Variants in WBP1L observed in about 807,000 individuals in gnomAD.
WBP1L encodes the protein WW domain binding protein 1-like.
A neutral mutation model predicts 33.7 loss-of-function variants in WBP1L; 17 were observed. The observed-to-expected ratio is 0.50, with a 90% CI of 0.34 to 0.76. The LOEUF is 0.76. Among genes scored for constraint, WBP1L ranks in the 30% least tolerant of loss-of-function variants. WBP1L has a pLI of 0.01. For synonymous variants in WBP1L, 173 were observed against 190.8 expected, an observed-to-expected ratio of 0.91 and a Z score of 0.77; for missense variants, 389 against 469.4, an observed-to-expected ratio of 0.83 and a Z score of 1.58.
intron 1 of WBP1L, among the ~76,000 whole-genome samples, chr10:102,772,921 C>T (rs1239611283): frequency 8.8e-6 from 1 of 113,422 alleles, no homozygotes; most frequent in African/African-American, 3.5e-5. Context: ...TTTAGTATGA[C>T]TTCCTTTTTT....
In WBP1L at chr10:102,767,593, A is replaced by T. The variant is rs1843129290; in HGVS notation, c.90+23450A>T. On this transcript the variant is annotated intron_variant, in intron 1 of 3. Transcript: ENST00000448841. ...CATGGGGTGGAGTCAGGAACCTAGGACTCTTTCTGGCCCACTTTGGAGACC... is the reference window on the plus strand; with the variant it reads ...CATGGGGTGGAGTCAGGAACCTAGGTCTCTTTCTGGCCCACTTTGGAGACC... 2.0e-5 allele frequency among the ~76,000 whole-genome samples: 3 copies of T among 151,724 alleles called. No homozygotes were observed. The South Asian group carries it at 6.3e-4, about 32-fold the overall frequency.
chr10:102,761,780 T>C (rs1429372918), intron 1 of WBP1L, among the ~76,000 whole-genome samples: 1 of 151,360 alleles, frequency 6.6e-6, no homozygotes, highest in African/African-American at 2.4e-5. Flanking sequence ...AACTCCAGAT[T>C]TCAGGTGATC....
chr10:102,805,767 G>A (rs1843724081), intron 2 of WBP1L, among the ~76,000 whole-genome samples: 1 of 151,686 alleles, frequency 6.6e-6, no homozygotes, highest in Non-Finnish European at 1.5e-5. Flanking sequence ...GTGTGGTGGT[G>A]CATGCCCGTA....
intron 1 of WBP1L, among the ~76,000 whole-genome samples, chr10:102,766,577 C>T (rs982773490): frequency 9.2e-5 from 14 of 151,630 alleles, no homozygotes; most frequent in Non-Finnish European, 1.8e-4. Flanking sequence ...GAGCCATGAT[C>T]GCACCACTGC....
chr10:102,791,976 A>G (rs974621763), intron 1 of WBP1L, among the ~76,000 whole-genome samples: 1 of 152,232 alleles, frequency 6.6e-6, no homozygotes, highest in Non-Finnish European at 1.5e-5. Context: ...AGCTAAGAAT[A>G]GCAACTGTAA....
chr10:102,780,542 T>G (rs759709937), intron 1 of WBP1L, among the ~76,000 whole-genome samples: 15 of 152,202 alleles, frequency 9.9e-5, no homozygotes, highest in Non-Finnish European at 4.4e-5. Context: ...GGAGCAACAC[T>G]CAGCATCTGA....
intron 1 of WBP1L, among the ~76,000 whole-genome samples, chr10:102,763,483 G>A (rs1050548941): frequency 4.6e-5 from 7 of 152,142 alleles, no homozygotes; most frequent in Non-Finnish European, 8.8e-5. Flanking sequence ...AAGTAAGGAA[G>A]GCTCAGAGAG....
At position 102,759,226 on chromosome 10, in the gene WBP1L, C is replaced by T. The variant is rs144140830; in HGVS notation, c.90+15083C>T. Among the ~76,000 whole-genome samples, 394 of 152,332 alleles carry T rather than the reference C, an allele frequency of 2.6e-3. 1 individual carries two copies. Among genetic ancestry groups the T allele is most frequent in the African/African-American group, 8.8e-3 (367 of 41,580 alleles). On this transcript the variant is annotated intron_variant, in intron 1 of 3. Transcript: ENST00000448841. The stretch of plus-strand genomic sequence containing the variant: ...GGCGTTACCGCTTGACCAAGGAGCC[C>T]TCAAGCGGCCCTTATGCGGGCATGA...
chr10:102,777,559 T>TA (rs2134043049), intron 1 of WBP1L, among the ~76,000 whole-genome samples: 1 of 124,820 alleles, frequency 8.0e-6, no homozygotes, highest in Non-Finnish European at 1.6e-5. Flanking sequence ...AGAAAGGCTG[T>TA]CCTTTTTTTT....
chr10:102,800,594 G>T (rs760996122), intron 2 of WBP1L, among the ~76,000 whole-genome samples: 5 of 152,216 alleles, frequency 3.3e-5, no homozygotes, highest in Non-Finnish European at 7.3e-5. Flanking sequence ...AAGGTGCCCC[G>T]TTAAATGAGC....
intron 2 of WBP1L, among the ~76,000 whole-genome samples, chr10:102,809,329 C>T (rs918903828): frequency 2.7e-5 from 4 of 148,548 alleles, no homozygotes; most frequent in Non-Finnish European, 4.5e-5. Context: ...CTGCACGCCT[C>T]GGCCTCCCAA....
At chr10:102,803,986 C>G (rs2482506) in intron 2 of WBP1L, 37,972 of 151,534 alleles carry the variant, frequency 0.25, 4,901 homozygotes, top group Admixed American at 0.29. Flanking sequence ...TTAGTGTGGC[C>G]CCGGCCAAGG....
At chr10:102,749,628 TA>T (rs1402518118) in intron 1 of WBP1L, among the ~76,000 whole-genome samples, 1 of 151,280 alleles carries the variant, frequency 6.6e-6, no homozygotes, top group South Asian at 2.1e-4. Flanking sequence ...TTTTTTTAAT[TA>T]AAAAAATTTT....
chr10:102,753,780 T>C (rs1188800604), intron 1 of WBP1L, among the ~76,000 whole-genome samples: 1 of 152,154 alleles, frequency 6.6e-6, no homozygotes, highest in Non-Finnish European at 1.5e-5. Context: ...GAGGTAAAAA[T>C]AAATGTAAGA....
At chr10:102,810,360 T>TCCC (rs1564771048) in intron 3 of WBP1L, among the ~76,000 whole-genome samples, 6 of 117,382 alleles carry the variant, frequency 5.1e-5, no homozygotes, top group African/African-American at 1.9e-4. Flanking sequence ...ACTTCCTCCC[T>TCCC]TCCTCCCTCC....
At chr10:102,805,806 G>A (rs1843724713) in intron 2 of WBP1L, among the ~76,000 whole-genome samples, 1 of 151,932 alleles carries the variant, frequency 6.6e-6, no homozygotes, top group African/African-American at 2.4e-5. Flanking sequence ...GCCAGAGCGG[G>A]AGGATCACCT....
chr10:102,777,732 G>A (rs542518011), intron 1 of WBP1L, among the ~76,000 whole-genome samples: 20 of 151,998 alleles, frequency 1.3e-4, no homozygotes, highest in African/African-American at 3.9e-4. Flanking sequence ...ACCCGGCTAA[G>A]TTTTGTATTT....
At chr10:102,789,294 A>G (rs866566669) in intron 1 of WBP1L, among the ~76,000 whole-genome samples, 2 of 152,116 alleles carry the variant, frequency 1.3e-5, no homozygotes, top group Non-Finnish European at 2.9e-5. Flanking sequence ...TACAAAGCCT[A>G]TGAGATCTGA....
intron 1 of WBP1L, among the ~76,000 whole-genome samples, chr10:102,776,943 CA>C (rs1843272199): frequency 6.6e-6 from 1 of 152,000 alleles, no homozygotes; most frequent in African/African-American, 2.4e-5. Context: ...CCCGACGCCT[CA>C]GGGGAAGGGG....
Sources: allele counts gnomAD v4.1 joint callset (sites outside exome capture counted in the v4.1 genomes callset), GRCh38; gene constraint gnomAD v4.1.1; transcripts MANE v1.5; gene names NCBI Gene and HGNC (gene_info 2026-07-23, HGNC 2026-07-21).